The following MAP4K5 variants were observed in gnomAD, a reference collection of about 807,000 sequenced individuals.
MAP4K5 encodes the protein mitogen-activated protein kinase kinase kinase kinase 5, also known as MAPK/ERK kinase kinase kinase 5.
Under a neutral mutation model 135.6 loss-of-function variants are expected in MAP4K5, and 82 were observed. The ratio of observed to expected loss-of-function variants is 0.60; its 90% CI spans 0.51 to 0.73. MAP4K5 has a LOEUF of 0.73. Among genes scored for constraint, MAP4K5 ranks in the 30% least tolerant of loss-of-function variants. The pLI, the probability that MAP4K5 is intolerant of heterozygous loss-of-function variation, is 0.00. For synonymous variants in MAP4K5, 347 were observed against 335.0 expected (o/e 1.04, Z -0.39); for missense variants, 907 against 1,010.9 (o/e 0.90, Z 1.39).
chr14:50,481,249 G>A (rs541547315), intron 6 of MAP4K5, among the ~76,000 whole-genome samples: 8 of 150,114 alleles, frequency 5.3e-5, no homozygotes, highest in African/African-American at 1.9e-4. Flanking sequence ...AACGTTATAG[G>A]AATATACACA....
intron 13 of MAP4K5, among the ~76,000 whole-genome samples, chr14:50,457,963 C>G (rs1471079195): frequency 1.3e-5 from 2 of 152,158 alleles, no homozygotes; most frequent in African/African-American, 4.8e-5. Context: ...AACTGGTTAC[C>G]TTTGCGTTTA....
At chr14:50,549,167 G>A (rs758145414) in intron 1 of MAP4K5, among the ~76,000 whole-genome samples, 19 of 152,112 alleles carry the variant, frequency 1.2e-4, no homozygotes, top group Admixed American at 2.6e-4. Flanking sequence ...TTGTATATAA[G>A]GGGACCCCAC....
At chr14:50,539,403 T>C (rs1165855425) in intron 2 of MAP4K5, among the ~76,000 whole-genome samples, 2 of 152,174 alleles carry the variant, frequency 1.3e-5, no homozygotes, top group Non-Finnish European at 2.9e-5. Flanking sequence ...CAGGCATGAA[T>C]AGAAAATCAG....
intron 15 of MAP4K5, 30 bp downstream of exon 15, chr14:50,448,744 G>A: frequency 7.2e-7 from 1 of 1,394,274 alleles, no homozygotes; most frequent in Non-Finnish European, 9.8e-7. Flanking sequence ...ATCTTAATGT[G>A]AAAATAATGC....
chr14:50,483,114 G>C (rs933067354), intron 5 of MAP4K5: 1 of 152,090 alleles, frequency 6.6e-6, no homozygotes, highest in African/African-American at 2.4e-5. Context: ...ATCATAAAGA[G>C]ATTGACTATC....
At chr14:50,437,442 T>C in intron 26 of MAP4K5, 34 bp downstream of exon 26, 1 of 1,491,266 alleles carries the variant, frequency 6.7e-7, no homozygotes, top group Non-Finnish European at 9.2e-7. Flanking sequence ...TTAAAAGTTC[T>C]AACCATTCAG....
chr14:50,550,229 G>C (rs1391901173), intron 1 of MAP4K5, among the ~76,000 whole-genome samples: 1 of 152,238 alleles, frequency 6.6e-6, no homozygotes, highest in Non-Finnish European at 1.5e-5. Context: ...CCCACTCCTA[G>C]AGAGGGAAGC....
At chr14:50,453,952 T>C (rs1944624773) in intron 14 of MAP4K5, among the ~76,000 whole-genome samples, 1 of 152,140 alleles carries the variant, frequency 6.6e-6, no homozygotes, top group Non-Finnish European at 1.5e-5. Flanking sequence ...TGATTCATAA[T>C]AATCATTTAT....
At chr14:50,463,636 C>A (rs892378831) in intron 12 of MAP4K5, among the ~76,000 whole-genome samples, 6 of 152,142 alleles carry the variant, frequency 3.9e-5, no homozygotes, top group African/African-American at 1.4e-4. Flanking sequence ...GTAATCCCAG[C>A]ACTTTGGGAG....
At chr14:50,470,931 A>T (rs1319946378) in intron 9 of MAP4K5, among the ~76,000 whole-genome samples, 2 of 152,232 alleles carry the variant, frequency 1.3e-5, no homozygotes, top group African/African-American at 4.8e-5. Flanking sequence ...TAAAGAAGAT[A>T]AATATTGCTT....
At chr14:50,479,005 GTTTTTT>G (rs371399947) in intron 6 of MAP4K5, among the ~76,000 whole-genome samples, 157 of 151,316 alleles carry the variant, frequency 1.0e-3, no homozygotes, top group Non-Finnish European at 1.7e-3. Flanking sequence ...AGTTTTTTTC[GTTTTTT>G]TTTTTTTTGT....
intron 6 of MAP4K5, among the ~76,000 whole-genome samples, chr14:50,481,923 T>TA (rs1387358373): frequency 1.3e-5 from 2 of 152,240 alleles, no homozygotes; most frequent in African/African-American, 4.8e-5. Flanking sequence ...AGAGAAATAG[T>TA]AAAAGCCCCT....
At chr14:50,525,116 T>C (rs1384889893) in intron 2 of MAP4K5, among the ~76,000 whole-genome samples, 1 of 152,128 alleles carries the variant, frequency 6.6e-6, no homozygotes, top group Non-Finnish European at 1.5e-5. Context: ...TACCACCCCA[T>C]AAAGTGATGA....
At chr14:50,462,823 A>C (rs188610214) in intron 12 of MAP4K5, 42 bp from the exon 13 acceptor site, 237 of 1,118,948 alleles carry the variant, frequency 2.1e-4, no homozygotes, top group Non-Finnish European at 3.0e-4. Context: ...ATGCCTTTAC[A>C]TCTATGGCTT....
chr14:50,540,322 C>T (rs1327050479), intron 2 of MAP4K5, among the ~76,000 whole-genome samples: 1 of 152,122 alleles, frequency 6.6e-6, no homozygotes, highest in Non-Finnish European at 1.5e-5. Context: ...TGGAAAAATC[C>T]TGGGACTGAT....
chr14:50,453,286 GA>G (rs1020397638), intron 14 of MAP4K5, among the ~76,000 whole-genome samples: 6 of 144,406 alleles, frequency 4.2e-5, no homozygotes, highest in South Asian at 4.5e-4. Flanking sequence ...AAAAAAAAAA[GA>G]AAAAAAATTA....
intron 2 of MAP4K5, among the ~76,000 whole-genome samples, chr14:50,509,659 T>C (rs1430283031): frequency 6.8e-6 from 1 of 148,134 alleles, no homozygotes; most frequent in Non-Finnish European, 1.5e-5. Context: ...AAAATCCATC[T>C]AAAGAACTGG....
intron 3 of MAP4K5, among the ~76,000 whole-genome samples, chr14:50,501,783 A>G (rs2140005102): frequency 6.6e-6 from 1 of 152,248 alleles, no homozygotes; most frequent in Middle Eastern, 3.4e-3. Flanking sequence ...CACAATAGTA[A>G]GGGAAAGACT....
At chr14:50,503,905 G>A (rs2037757333) in intron 3 of MAP4K5, among the ~76,000 whole-genome samples, 2 of 152,064 alleles carry the variant, frequency 1.3e-5, no homozygotes, top group South Asian at 2.1e-4. Flanking sequence ...CCCTATTTGT[G>A]TTAGTGACAT....
Sources: gnomAD v4.1 joint callset for allele counts (sites outside exome capture counted in the v4.1 genomes callset) on GRCh38, gnomAD v4.1.1 for gene constraint, MANE v1.5 for transcripts, NCBI Gene and HGNC (gene_info 2026-07-23, HGNC 2026-07-21) for gene names.